The following LRP2 variants were observed in gnomAD, a reference collection of about 807,000 sequenced individuals.
The protein encoded by LRP2 is LDL receptor related protein 2.
A neutral mutation model predicts 531.0 loss-of-function variants in LRP2; 172 were observed. That is an observed-to-expected ratio of 0.32 (90% CI 0.29 to 0.37). The LOEUF is 0.37. Ranked by LOEUF, LRP2 falls within the 10% of genes least tolerant of loss-of-function variation. LRP2 has a pLI of 1.00. For synonymous variants in LRP2, 1,992 were observed against 2,027.6 expected, an observed-to-expected ratio of 0.98 and a Z score of 0.47; for missense variants, 5,167 against 5,868.3, an observed-to-expected ratio of 0.88 and a Z score of 3.90.
At chr2:169,185,155 C>T (rs746608025) in intron 50 of LRP2, among the ~76,000 whole-genome samples, 5 of 152,150 alleles carry the variant, frequency 3.3e-5, no homozygotes, top group Non-Finnish European at 5.9e-5. Flanking sequence ...TGTCATCACG[C>T]TGGGCATGTA....
chr2:169,315,318 T>C (rs1453003663), intron 3 of LRP2, among the ~76,000 whole-genome samples: 1 of 152,114 alleles, frequency 6.6e-6, no homozygotes, highest in African/African-American at 2.4e-5. Flanking sequence ...ATTATGAAAG[T>C]GGATTATAGG....
chr2:169,136,940 C>T (rs1008852445), intron 76 of LRP2, among the ~76,000 whole-genome samples: 4 of 152,166 alleles, frequency 2.6e-5, no homozygotes, highest in African/African-American at 9.7e-5. Context: ...CCCTTTAATC[C>T]ACCTCAAACC....
intron 68 of LRP2, among the ~76,000 whole-genome samples, 163 bp downstream of exon 68, chr2:169,150,735 C>G (rs950359360): frequency 3.3e-5 from 5 of 152,126 alleles, no homozygotes; most frequent in Non-Finnish European, 7.3e-5. Context: ...TCTATATGAT[C>G]TCAAGGGCAT....
At chr2:169,201,487 G>T (rs555896347) in intron 44 of LRP2, 141 bp downstream of exon 44, 2 of 1,037,386 alleles carry the variant, frequency 1.9e-6, no homozygotes, top group African/African-American at 1.6e-5. Flanking sequence ...ACTTGCTACC[G>T]CGCCTAGCCA....
rs369588977 is a variant in LRP2 at position 169,226,510 on chromosome 2, T to C, written c.5306A>G (p.Asp1769Gly). 17 of 1,606,806 alleles carry C rather than the reference T, an allele frequency of 1.1e-5. No individual in the cohort carries two copies. The African/African-American group carries it at 1.5e-4, about 14-fold the overall frequency. Residue 1769 changes from aspartate (D) to glycine (G), a missense_variant, in exon 32 of 79, where the codon GAT (aspartate) becomes GGT (glycine). Around this residue, in one of 6 missense-constraint regions of LRP2, gnomAD observed 2,811 missense variants for 3,058.0 expected, o/e 0.92. Coordinates refer to ENST00000649046, the MANE Select transcript of LRP2 (RefSeq NM_004525.3). ...ISLNPEVKSN[D>G]AMVPIAGIQN... is the part of the protein sequence containing the mutation. ...TATCCCTGCTATGGGGACCATAGCA[T>C]CATTGCTCTTCACCTCAGGATTAAG...
Position 169,206,974 on chromosome 2 carries a change from T to C in LRP2, c.6746A>G (p.Tyr2249Cys). The C allele has an allele frequency of 6.2e-7, 1 of 1,614,176 alleles. No individual in the cohort carries two copies. Among genetic ancestry groups the C allele is most frequent in the Non-Finnish European group, 8.5e-7 (1 of 1,180,034 alleles). The change falls in exon 39 of 79, where the codon TAT becomes TGT. Residue 2249 changes from tyrosine (Y) to cysteine (C), a missense_variant. By Grantham distance (194) the Tyr-to-Cys change is radical. Transcript: ENST00000649046. ...TATATCTAAAGAATCATCAACCCAA[T>C]AAACGTAGCCATCACTTCGGTCCAC... ...LAVDRSDGYV[Y>C]WVDDSLDIIA...
chr2:169,348,613 C>T (rs2390793), intron 1 of LRP2, among the ~76,000 whole-genome samples: 13,864 of 152,172 alleles, frequency 0.091, 1,364 homozygotes, highest in African/African-American at 0.24. Context: ...TCCACTAACA[C>T]GAAGTCTAAA....
intron 8 of LRP2, among the ~76,000 whole-genome samples, chr2:169,289,364 A>C (rs1011114705): frequency 6.6e-6 from 1 of 152,140 alleles, no homozygotes; most frequent in African/African-American, 2.4e-5. Context: ...AGCCTGGGTA[A>C]TGTAGCTACA....
At chr2:169,173,042 C>CT in intron 57 of LRP2, 54 bp downstream of exon 57, 1 of 1,611,210 alleles carries the variant, frequency 6.2e-7, no homozygotes, top group Non-Finnish European at 8.5e-7. Context: ...ATAAATGGCA[C>CT]TTGACATGTG....
At position 169,268,818 on chromosome 2, in the gene LRP2, T is replaced by C. The variant is rs574833712; in HGVS notation, c.2320+2086A>G. 2.0e-5 allele frequency among the ~76,000 whole-genome samples: 3 copies of C among 152,346 alleles called. No homozygotes were observed. In the South Asian group the frequency reaches 6.2e-4, roughly 32 times the overall value. On this transcript the variant is annotated intron_variant, in intron 16 of 78. Transcript: ENST00000649046. ...GGAAAAGAGGAAGTCAAATTGTCCCTGTTTGCAGATGATATGACTGTATAT... is the reference window on the plus strand; with the variant it reads ...GGAAAAGAGGAAGTCAAATTGTCCCCGTTTGCAGATGATATGACTGTATAT...
rs1391677220 is a variant in LRP2 at position 169,137,397 on chromosome 2, T to C, written c.13615A>G (p.Ile4539Val). The C allele has an allele frequency of 3.7e-6, 6 of 1,610,198 alleles. No homozygotes were observed. The highest frequency in any genetic ancestry group is 3.4e-6 in the Non-Finnish European group (4 of 1,176,518). Residue 4539 changes from isoleucine to valine, a missense_variant, in exon 76 of 79, where the codon ATC (isoleucine) becomes GTC (valine). By Grantham distance (29) the Ile-to-Val change is conservative. Around this residue, in one of 6 missense-constraint regions of LRP2, gnomAD observed 348 missense variants for 369.3 expected, o/e 0.94. Transcript: ENST00000649046. ...RDSAVKVVQP[I>V]QVTVSENVDN... ...AAGACTGTATGGTTTCTCACCTGGA[T>C]TGGCTGAACCACTTTGACAGCACTG...
chr2:169,244,473 C>G (rs1487522878), intron 22 of LRP2, among the ~76,000 whole-genome samples: 1 of 152,186 alleles, frequency 6.6e-6, no homozygotes, highest in Non-Finnish European at 1.5e-5. Flanking sequence ...TGCTTTGCTT[C>G]CATAGAACTC....
At chr2:169,309,669 C>G (rs1290724852) in intron 3 of LRP2, among the ~76,000 whole-genome samples, 1 of 152,094 alleles carries the variant, frequency 6.6e-6, no homozygotes, top group South Asian at 2.1e-4. Flanking sequence ...ATGCCTCCAG[C>G]TTTGTTCTTT....
chr2:169,355,991 A>G (rs1365102673), intron 1 of LRP2, among the ~76,000 whole-genome samples: 1 of 152,140 alleles, frequency 6.6e-6, no homozygotes, highest in Non-Finnish European at 1.5e-5. Context: ...CCTGGGCTCA[A>G]GCGATCATCT....
In LRP2 at chr2:169,343,277, G is replaced by A. The variant is rs188811286; in HGVS notation, c.79+19044C>T. ...GGTGAAGAACCAAACATTCTTGGGG[G>A]AAGAAAGGCAGGTGACCAGGCCTGT... On this transcript the variant is annotated intron_variant, in intron 1 of 78. Transcript: ENST00000649046. Among the ~76,000 whole-genome samples the A allele has an allele frequency of 9.2e-5, 14 of 152,310 alleles. No homozygotes were observed. The East Asian group carries it at 2.7e-3, about 29-fold the overall frequency.
rs961042890 is a variant in LRP2, at chr2:169,332,506, T to C, written c.80-11622A>G. 3.3e-5 allele frequency among the ~76,000 whole-genome samples: 5 copies of C among 152,174 alleles called. 1 individual carries two copies. Among genetic ancestry groups the C allele is most frequent in the African/African-American group, 1.2e-4 (5 of 41,452 alleles). ...TCATGAGACCTAGCATCTTGCATCC[T>C]AGCCTTGGTTTAAATGACACCTGGC... On this transcript the variant is annotated intron_variant, in intron 1 of 78. Coordinates refer to ENST00000649046, the MANE Select transcript of LRP2 (RefSeq NM_004525.3).
chr2:169,355,068 C>A (rs143747928), intron 1 of LRP2, among the ~76,000 whole-genome samples: 1 of 152,178 alleles, frequency 6.6e-6, no homozygotes, highest in Non-Finnish European at 1.5e-5. Context: ...GTAGTCTGAT[C>A]GCTCAGCTCA....
chr2:169,292,433 C>T, intron 6 of LRP2, 64 bp from the exon 7 acceptor site: 1 of 1,004,976 alleles, frequency 1.0e-6, no homozygotes, highest in Non-Finnish European at 1.6e-6. Context: ...AAAGTGCTCT[C>T]ACCTCACTGC....
intron 3 of LRP2, among the ~76,000 whole-genome samples, chr2:169,314,590 G>T (rs1327744529): frequency 4.6e-5 from 7 of 152,036 alleles, no homozygotes; most frequent in African/African-American, 1.2e-4. Context: ...TTGTCATTTT[G>T]TTCCTTCTTT....
Sources: allele counts gnomAD v4.1 joint callset (sites outside exome capture counted in the v4.1 genomes callset), GRCh38; gene constraint gnomAD v4.1.1; regional missense constraint gnomAD v4.1.1; transcripts MANE v1.5; gene names NCBI Gene and HGNC (gene_info 2026-07-23, HGNC 2026-07-21).